The following RPS6KA2 variants were observed in gnomAD, a reference collection of about 807,000 sequenced individuals.
RPS6KA2 encodes ribosomal protein S6 kinase alpha-2.
RPS6KA2 carries 42 observed loss-of-function variants against 91.8 expected under a neutral mutation model. The observed-to-expected ratio is 0.46, with a 90% confidence interval of 0.36 to 0.59. The LOEUF is 0.59. RPS6KA2 is among the 20% of genes least tolerant of loss of function. The pLI is 0.00. For synonymous variants in RPS6KA2, 414 were observed against 393.6 expected, an observed-to-expected ratio of 1.05 and a Z score of -0.61; for missense variants, 798 against 978.5, an observed-to-expected ratio of 0.82 and a Z score of 2.46.
At chr6:166,776,808 T>G (rs965362519) in intron 2 of RPS6KA2, among the ~76,000 whole-genome samples, 2 of 152,240 alleles carry the variant, frequency 1.3e-5, no homozygotes, top group African/African-American at 4.8e-5. Flanking sequence ...CGTCCATTCA[T>G]CCATTGATGG....
chr6:166,465,747 G>C (rs1360422601), intron 11 of RPS6KA2, among the ~76,000 whole-genome samples: 1 of 152,184 alleles, frequency 6.6e-6, no homozygotes, highest in Non-Finnish European at 1.5e-5. Flanking sequence ...TCCATCGGTG[G>C]ATGATGGCGT....
chr6:166,750,906 CTG>C (rs1791261532), intron 2 of RPS6KA2, among the ~76,000 whole-genome samples: 1 of 152,220 alleles, frequency 6.6e-6, no homozygotes, highest in Admixed American at 6.5e-5. Context: ...GCTGCGTAGA[CTG>C]TGATCATATT....
chr6:166,802,672 C>T (rs1323346860), intron 2 of RPS6KA2, among the ~76,000 whole-genome samples: 1 of 152,162 alleles, frequency 6.6e-6, no homozygotes, highest in Non-Finnish European at 1.5e-5. Context: ...GAAACTGAGA[C>T]ATGAAAACCA....
intron 1 of RPS6KA2, among the ~76,000 whole-genome samples, chr6:166,570,355 T>G (rs1784651269): frequency 2.6e-5 from 4 of 152,342 alleles, no homozygotes; most frequent in Non-Finnish European, 5.9e-5. Context: ...CTGTCCTGCA[T>G]GCCCCGAAGC....
chr6:166,438,058 G>A (rs117907435), intron 14 of RPS6KA2, among the ~76,000 whole-genome samples: 77 of 152,312 alleles, frequency 5.1e-4, no homozygotes, highest in Middle Eastern at 6.8e-3. Context: ...TTGAGTTGCC[G>A]AAAGGATCAG....
intron 1 of RPS6KA2, among the ~76,000 whole-genome samples, chr6:166,555,813 A>T (rs1042753499): frequency 2.0e-5 from 3 of 152,174 alleles, no homozygotes; most frequent in Admixed American, 6.5e-5. Context: ...GGGCGTCATC[A>T]GAGAGGTGGG....
chr6:166,840,384 T>C (rs1374299585), intron 2 of RPS6KA2, among the ~76,000 whole-genome samples: 1 of 152,096 alleles, frequency 6.6e-6, no homozygotes, highest in African/African-American at 2.4e-5. Context: ...TCCCCACGAG[T>C]AGAGCTGCCC....
chr6:166,679,481 T>A (rs748597821), intron 2 of RPS6KA2, among the ~76,000 whole-genome samples: 4 of 151,876 alleles, frequency 2.6e-5, no homozygotes, highest in South Asian at 2.1e-4. Context: ...ATAATAATAA[T>A]AAATAAATAT....
intron 3 of RPS6KA2, among the ~76,000 whole-genome samples, chr6:166,517,469 T>G (rs1187188986): frequency 2.9e-4 from 17 of 59,332 alleles, no homozygotes; most frequent in Middle Eastern, 0.012. Context: ...TTTTTTTTTT[T>G]TTTTTTTTTT....
At chr6:166,506,606 G>A (rs1284266827) in intron 5 of RPS6KA2, among the ~76,000 whole-genome samples, 1 of 152,200 alleles carries the variant, frequency 6.6e-6, no homozygotes. Flanking sequence ...TTTCCTCCAT[G>A]CAAGGAGCCC....
At chr6:166,683,540 T>C (rs1251433066) in intron 2 of RPS6KA2, among the ~76,000 whole-genome samples, 1 of 152,250 alleles carries the variant, frequency 6.6e-6, no homozygotes, top group Non-Finnish European at 1.5e-5. Context: ...ATAAGTCAGA[T>C]TTTACTGGGA....
At chr6:166,421,561 C>T (rs989451013) in intron 17 of RPS6KA2, among the ~76,000 whole-genome samples, 47 of 152,172 alleles carry the variant, frequency 3.1e-4, no homozygotes, top group African/African-American at 1.1e-3. Flanking sequence ...CTGCACCTCC[C>T]CAAGCTGCAG....
intron 2 of RPS6KA2, among the ~76,000 whole-genome samples, chr6:166,653,726 C>T (rs1160322172): frequency 2.0e-5 from 3 of 152,208 alleles, no homozygotes; most frequent in Admixed American, 6.5e-5. Context: ...ATCTCAGCGG[C>T]ACATGAATTC....
rs1316899182 is a variant in RPS6KA2 at position 166,419,950 on chromosome 6, C to G, written c.1752G>C (p.Lys584Asn). 1 of 1,613,788 alleles carries G rather than the reference C, an allele frequency of 6.2e-7. No individual in the cohort carries two copies. Among genetic ancestry groups the G allele is most frequent in the Admixed American group, 1.7e-5 (1 of 60,020 alleles). Reference sequence around the variant, plus strand: ...CACACGCCGCATCATAGCCTTGACGCTTCAGGACCTAGGAGGGAACGACAG... The same window carrying G: ...CACACGCCGCATCATAGCCTTGACGGTTCAGGACCTAGGAGGGAACGACAG... Reference protein sequence around the residue: ...TANFVAPEVLKRQGYDAACDI... With the variant: ...TANFVAPEVLNRQGYDAACDI... Residue 584 changes from lysine (K) to asparagine (N), a missense_variant, in exon 18 of 21, where the codon AAG becomes AAC. Coordinates refer to ENST00000265678, the MANE Select transcript of RPS6KA2 (RefSeq NM_021135.6). This position sits in a 1 kb window ranked among gnomAD's most constrained non-coding sequence, Gnocchi z 5.6.
At chr6:166,663,910 T>C (rs1788240197) in intron 2 of RPS6KA2, among the ~76,000 whole-genome samples, 1 of 152,210 alleles carries the variant, frequency 6.6e-6, no homozygotes, top group African/African-American at 2.4e-5. Context: ...AAGTTCAAAA[T>C]TGATTATTAG....
chr6:166,702,382 C>A (rs1435764441), intron 2 of RPS6KA2: 1 of 1,608,936 alleles, frequency 6.2e-7, no homozygotes, highest in Non-Finnish European at 8.5e-7. Flanking sequence ...AGGCTACTTT[C>A]AAGGTGAAAT....
chr6:166,534,229 A>G (rs1783403227), intron 2 of RPS6KA2, among the ~76,000 whole-genome samples: 1 of 149,248 alleles, frequency 6.7e-6, no homozygotes, highest in South Asian at 2.1e-4. Flanking sequence ...CTCAAAAAAA[A>G]AAAAAAAAAA....
At chr6:166,526,341 CT>C (rs10616497) in intron 3 of RPS6KA2, among the ~76,000 whole-genome samples, 1,382 of 101,812 alleles carry the variant, frequency 0.014, 2 homozygotes, top group African/African-American at 0.041. Flanking sequence ...GTTTATATGG[CT>C]TTTTTTTTTT....
At chr6:166,747,663 G>GGCGGT (rs1791063892) in intron 2 of RPS6KA2, among the ~76,000 whole-genome samples, 1 of 152,192 alleles carries the variant, frequency 6.6e-6, no homozygotes, top group Non-Finnish European at 1.5e-5. Context: ...AAACAGAGAG[G>GGCGGT]GCGGTGGAGG....
Sources: gnomAD v4.1 joint callset for allele counts (sites outside exome capture counted in the v4.1 genomes callset) on GRCh38, gnomAD v4.1.1 for gene constraint, Gnocchi (gnomAD v3.1) non-coding constraint, MANE v1.5 for transcripts, NCBI Gene and HGNC (gene_info 2026-07-23, HGNC 2026-07-21) for gene names.